CPQ: variants seen among roughly 807,000 people sequenced by gnomAD.
CPQ encodes carboxypeptidase Q.
In CPQ, 37 loss-of-function variants were observed where a neutral mutation model predicts 45.7. That is an observed-to-expected ratio of 0.81 (90% CI 0.62 to 1.07). The LOEUF (loss-of-function observed/expected upper bound fraction) is 1.07. CPQ is among the 50% of genes least tolerant of loss of function. The probability of loss-of-function intolerance (pLI) is 0.00; values close to 1 mark genes in which losing one functional copy is unlikely to be tolerated. For synonymous variants in CPQ, 186 were observed against 205.8 expected, an observed-to-expected ratio of 0.90 and a Z score of 0.82; for missense variants, 537 against 572.9, an observed-to-expected ratio of 0.94 and a Z score of 0.64.
At chr8:96,955,177 T>A (rs1415888359) in intron 4 of CPQ, among the ~76,000 whole-genome samples, 7 of 152,146 alleles carry the variant, frequency 4.6e-5, no homozygotes, top group Admixed American at 1.3e-4. Context: ...CGCCACACTG[T>A]CTTCCACAAT....
At chr8:96,876,603 C>T (rs369463595) in intron 3 of CPQ, among the ~76,000 whole-genome samples, 1 of 152,022 alleles carries the variant, frequency 6.6e-6, no homozygotes, top group African/African-American at 2.4e-5. Context: ...AGGAAGTTCT[C>T]TTTCATTAGT....
At chr8:96,982,938 T>C (rs1474003909) in intron 5 of CPQ, among the ~76,000 whole-genome samples, 1 of 152,206 alleles carries the variant, frequency 6.6e-6, no homozygotes, top group Non-Finnish European at 1.5e-5. Context: ...ATTTCAAATA[T>C]TGAAAAATAA....
At chr8:96,787,525 C>CTTTTTTT (rs71267281) in intron 2 of CPQ, among the ~76,000 whole-genome samples, 2,582 of 47,460 alleles carry the variant, frequency 0.054, 767 homozygotes, top group East Asian at 0.1. Context: ...CTTATAATGT[C>CTTTTTTT]TTTTTTTTTT....
At chr8:96,732,693 A>G (rs1190629471) in intron 1 of CPQ, among the ~76,000 whole-genome samples, 2 of 152,064 alleles carry the variant, frequency 1.3e-5, no homozygotes, top group Admixed American at 1.3e-4. Flanking sequence ...TCTGAAGCGG[A>G]GACCACACAA....
At chr8:96,819,565 T>C (rs1811274621) in intron 2 of CPQ, among the ~76,000 whole-genome samples, 1 of 152,130 alleles carries the variant, frequency 6.6e-6, no homozygotes, top group African/African-American at 2.4e-5. Flanking sequence ...AGGAGCATCA[T>C]TGTGGTGGAG....
chr8:96,736,208 G>C (rs530701574), intron 1 of CPQ, among the ~76,000 whole-genome samples: 1 of 152,230 alleles, frequency 6.6e-6, no homozygotes, highest in East Asian at 1.9e-4. Context: ...ATGAATTATT[G>C]CATTTGTTAG....
intron 4 of CPQ, among the ~76,000 whole-genome samples, chr8:96,895,177 A>T (rs1812428036): frequency 6.6e-6 from 1 of 152,140 alleles, no homozygotes; most frequent in Non-Finnish European, 1.5e-5. Flanking sequence ...AACTATGCTT[A>T]GTTTTTTTCT....
chr8:96,907,045 T>A (rs1812588689), intron 4 of CPQ, among the ~76,000 whole-genome samples: 1 of 152,192 alleles, frequency 6.6e-6, no homozygotes, highest in South Asian at 2.1e-4. Flanking sequence ...ACCAGTGAAT[T>A]ATATTCATAA....
intron 1 of CPQ, among the ~76,000 whole-genome samples, chr8:96,685,790 T>C (rs1227514559): frequency 2.6e-5 from 4 of 152,172 alleles, no homozygotes; most frequent in African/African-American, 4.8e-5. Context: ...TGTGTGAACA[T>C]ATTAAATTTA....
At chr8:96,706,451 G>A (rs1462013833) in intron 1 of CPQ, among the ~76,000 whole-genome samples, 1 of 152,028 alleles carries the variant, frequency 6.6e-6, no homozygotes, top group Non-Finnish European at 1.5e-5. Flanking sequence ...TGAGGGTTGG[G>A]GGTGAATGTG....
At chr8:96,721,488 C>T (rs1207717944) in intron 1 of CPQ, among the ~76,000 whole-genome samples, 1 of 152,044 alleles carries the variant, frequency 6.6e-6, no homozygotes, top group African/African-American at 2.4e-5. Context: ...CTTTTGGAAG[C>T]AGAAGTCCTC....
At chr8:96,834,291 A>G (rs1468446837) in intron 2 of CPQ, among the ~76,000 whole-genome samples, 1 of 152,196 alleles carries the variant, frequency 6.6e-6, no homozygotes, top group African/African-American at 2.4e-5. Flanking sequence ...CCATTACACA[A>G]CATCTTCAAA....
chr8:96,962,114 A>G (rs533107204), intron 4 of CPQ, among the ~76,000 whole-genome samples: 1 of 152,194 alleles, frequency 6.6e-6, no homozygotes, highest in Admixed American at 6.5e-5. Context: ...CATCCAGTGC[A>G]TTTCTGTTCG....
At chr8:96,764,633 C>T (rs774440585) in intron 1 of CPQ, among the ~76,000 whole-genome samples, 1 of 152,064 alleles carries the variant, frequency 6.6e-6, no homozygotes, top group Non-Finnish European at 1.5e-5. Context: ...ATATGAAAAA[C>T]CCAAGACTAA....
In CPQ at chr8:96,859,602, G is replaced by C. The variant is rs572445253; in HGVS notation, c.642-20196G>C. Reference sequence around the variant, plus strand: ...CCTTTCTATAATTTTACTGTTGTTAGAACTTTTGGCTTCATTAACTTTCTA... The same window carrying C: ...CCTTTCTATAATTTTACTGTTGTTACAACTTTTGGCTTCATTAACTTTCTA... On this transcript the variant is annotated intron_variant, in intron 3 of 7. Coordinates refer to ENST00000220763, the MANE Select transcript of CPQ (RefSeq NM_016134.4). 8.5e-5 allele frequency among the ~76,000 whole-genome samples: 13 copies of C among 152,224 alleles called. No homozygotes were observed. The South Asian group carries it at 2.7e-3, about 32-fold the overall frequency.
intron 4 of CPQ, among the ~76,000 whole-genome samples, chr8:96,895,730 T>C (rs1481052290): frequency 6.6e-6 from 1 of 152,174 alleles, no homozygotes; most frequent in African/African-American, 2.4e-5. Flanking sequence ...CCAAGTGTGC[T>C]GTCACAGTTA....
At chr8:96,658,070 C>G (rs981810340) in intron 1 of CPQ, among the ~76,000 whole-genome samples, 1 of 152,206 alleles carries the variant, frequency 6.6e-6, no homozygotes, top group South Asian at 2.1e-4. Context: ...AAACACCTGG[C>G]TATTCTTTTG....
At chr8:97,017,878 T>C (rs950063132) in intron 5 of CPQ, among the ~76,000 whole-genome samples, 2 of 152,106 alleles carry the variant, frequency 1.3e-5, no homozygotes, top group African/African-American at 4.8e-5. Flanking sequence ...CCTCCCCATA[T>C]TACCACAGAT....
intron 2 of CPQ, among the ~76,000 whole-genome samples, chr8:96,815,060 C>T (rs575275221): frequency 3.3e-5 from 5 of 152,092 alleles, no homozygotes; most frequent in South Asian, 2.1e-4. Flanking sequence ...CTGTGTTTGT[C>T]GTAGAGGTGA....
Sources: allele counts gnomAD v4.1 joint callset (sites outside exome capture counted in the v4.1 genomes callset), GRCh38; gene constraint gnomAD v4.1.1; transcripts MANE v1.5; gene names NCBI Gene and HGNC (gene_info 2026-07-23, HGNC 2026-07-21).